AKT3: variants seen among roughly 807,000 people sequenced by gnomAD.
The protein encoded by AKT3 is RAC-gamma serine/threonine-protein kinase.
AKT3 carries 15 observed loss-of-function variants against 65.3 expected under a neutral mutation model. That is an observed-to-expected ratio of 0.23 (90% CI 0.15 to 0.35). The LOEUF is 0.35. Ranked by LOEUF, AKT3 falls within the 10% of genes least tolerant of loss-of-function variation. The pLI, the probability that AKT3 is intolerant of heterozygous loss-of-function variation, is 1.00. For missense variants in AKT3, 243 were observed against 576.5 expected, an observed-to-expected ratio of 0.42 and a Z score of 5.92; for synonymous variants, 206 against 183.8, an observed-to-expected ratio of 1.12 and a Z score of -0.98.
At chr1:243,636,729 A>G (rs1022703155) in intron 6 of AKT3, among the ~76,000 whole-genome samples, 1 of 152,074 alleles carries the variant, frequency 6.6e-6, no homozygotes, top group South Asian at 2.1e-4. Context: ...GTACTTCCCC[A>G]AAGTACTGCT....
intron 2 of AKT3, among the ~76,000 whole-genome samples, chr1:243,742,443 G>T (rs1419935362): frequency 6.6e-6 from 1 of 152,108 alleles, no homozygotes; most frequent in East Asian, 1.9e-4. Flanking sequence ...TGGCCAATAT[G>T]GCGAAACCCC....
chr1:243,753,983 T>C (rs960695125), intron 2 of AKT3, among the ~76,000 whole-genome samples: 3 of 152,238 alleles, frequency 2.0e-5, no homozygotes, highest in African/African-American at 4.8e-5. Flanking sequence ...GTGTTTCATA[T>C]ACTGGTCTTA....
chr1:243,850,753 C>G (rs1308006956), upstream of AKT3, among the ~76,000 whole-genome samples: 1 of 150,644 alleles, frequency 6.6e-6, no homozygotes. Flanking sequence ...CTTCCCCGCG[C>G]CCCCAAACCA....
intron 2 of AKT3, among the ~76,000 whole-genome samples, chr1:243,767,279 T>C (rs1016497480): frequency 6.6e-6 from 1 of 152,006 alleles, no homozygotes; most frequent in African/African-American, 2.4e-5. Context: ...GAGGGGGCAA[T>C]CAATAAATTA....
chr1:243,642,791 A>G (rs1045485421), intron 5 of AKT3, among the ~76,000 whole-genome samples: 1 of 152,202 alleles, frequency 6.6e-6, no homozygotes, highest in African/African-American at 2.4e-5. Context: ...TGCTTAATAA[A>G]TGTGTTCAAA....
chr1:243,654,628 T>C (rs1558688088), intron 4 of AKT3, among the ~76,000 whole-genome samples: 1 of 152,140 alleles, frequency 6.6e-6, no homozygotes, highest in Admixed American at 6.5e-5. Context: ...CTCTTTCAAT[T>C]TTTTACTGAA....
downstream of AKT3, among the ~76,000 whole-genome samples, chr1:243,495,067 G>A (rs1279645009): frequency 1.3e-5 from 2 of 152,260 alleles, no homozygotes; most frequent in Non-Finnish European, 2.9e-5. Flanking sequence ...CTGCCTGTGT[G>A]TAGAGGAAGT....
chr1:243,766,405 T>A (rs1360796705), intron 2 of AKT3, among the ~76,000 whole-genome samples: 1 of 152,222 alleles, frequency 6.6e-6, no homozygotes, highest in East Asian at 1.9e-4. Flanking sequence ...GGTACTTTAA[T>A]AGAGAATCTA....
At chr1:243,670,717 A>G (rs1683099988) in intron 3 of AKT3, among the ~76,000 whole-genome samples, 2 of 152,202 alleles carry the variant, frequency 1.3e-5, no homozygotes, top group Admixed American at 6.5e-5. Context: ...TCTACTTCTC[A>G]GTGTTATTTG....
intron 2 of AKT3, among the ~76,000 whole-genome samples, chr1:243,815,166 T>TG (rs1416465260): frequency 4.6e-5 from 7 of 152,218 alleles, no homozygotes; most frequent in African/African-American, 9.6e-5. Context: ...TACAGTTCCC[T>TG]GCTCTTTTTT....
intron 5 of AKT3, among the ~76,000 whole-genome samples, chr1:243,642,523 A>T (rs759099781): frequency 2.0e-5 from 3 of 150,818 alleles, no homozygotes; most frequent in African/African-American, 7.5e-5. Context: ...GTTAGCCAGG[A>T]TGGTCTCGAT....
intron 2 of AKT3, among the ~76,000 whole-genome samples, chr1:243,783,030 A>C (rs1434726332): frequency 6.6e-6 from 1 of 152,118 alleles, no homozygotes; most frequent in Non-Finnish European, 1.5e-5. Flanking sequence ...CCGCTTCCTG[A>C]GTAATAGGAG....
chr1:243,777,586 T>C (rs75527646), intron 2 of AKT3, among the ~76,000 whole-genome samples: 108 of 152,302 alleles, frequency 7.1e-4, no homozygotes, highest in African/African-American at 2.6e-3. Flanking sequence ...TTGAGATGAA[T>C]AGAATCACAC....
intron 6 of AKT3, among the ~76,000 whole-genome samples, chr1:243,616,969 CAAAAT>C (rs938016507): frequency 3.3e-5 from 5 of 152,050 alleles, no homozygotes; most frequent in Non-Finnish European, 7.4e-5. Context: ...CATTGTAAAA[CAAAAT>C]AAATCAGAAG....
intron 11 of AKT3, among the ~76,000 whole-genome samples, chr1:243,545,903 A>G (rs1672634144): frequency 6.6e-6 from 1 of 152,158 alleles, no homozygotes; most frequent in Admixed American, 6.5e-5. Context: ...CAGTTTTCTC[A>G]TCTGCAGAGT....
intron 12 of AKT3, among the ~76,000 whole-genome samples, chr1:243,544,512 G>T (rs1445849387): frequency 6.6e-6 from 1 of 152,036 alleles, no homozygotes; most frequent in African/African-American, 2.4e-5. Context: ...GAGCTACTTG[G>T]TAGGCTGAGG....
At chr1:243,622,971 T>C (rs2148624406) in intron 6 of AKT3, among the ~76,000 whole-genome samples, 1 of 152,230 alleles carries the variant, frequency 6.6e-6, no homozygotes, top group East Asian at 1.9e-4. Flanking sequence ...GGGTAACACA[T>C]CAGGCCTGGG....
chr1:243,735,573 TCCA>T (rs1687795542), intron 2 of AKT3: 1 of 152,222 alleles, frequency 6.6e-6, no homozygotes, highest in African/African-American at 2.4e-5. Flanking sequence ...CATAACATTT[TCCA>T]CCATTTTTAT....
chr1:243,673,879 C>A (rs1353651200), intron 3 of AKT3, among the ~76,000 whole-genome samples: 1 of 152,170 alleles, frequency 6.6e-6, no homozygotes, highest in Non-Finnish European at 1.5e-5. Context: ...TACCAAAGTG[C>A]TGGGATTACA....
Sources: gnomAD v4.1 joint callset for allele counts (sites outside exome capture counted in the v4.1 genomes callset) on GRCh38, gnomAD v4.1.1 for gene constraint, MANE v1.5 for transcripts, NCBI Gene and HGNC (gene_info 2026-07-23, HGNC 2026-07-21) for gene names.